SPINK5: variants seen among roughly 807,000 people sequenced by gnomAD.
The protein encoded by SPINK5 is serine peptidase inhibitor Kazal type 5, also known as serine protease inhibitor Kazal-type 5.
In SPINK5, 125 loss-of-function variants were observed where a neutral mutation model predicts 151.8. The observed-to-expected ratio is 0.82, with a 90% CI of 0.71 to 0.96. SPINK5 has a LOEUF of 0.96. Among genes scored for constraint, SPINK5 ranks in the 40% least tolerant of loss-of-function variants. SPINK5 has a pLI of 0.00. For synonymous variants in SPINK5, 374 were observed against 395.3 expected (o/e 0.95, Z 0.64); for missense variants, 1,194 against 1,291.9 (o/e 0.92, Z 1.16).
At position 148,091,195 on chromosome 5, in the gene SPINK5, G is replaced by A; in HGVS notation, c.633G>A (p.Glu211=). 2 of 1,611,492 alleles carry A rather than the reference G, an allele frequency of 1.2e-6. No homozygotes were observed. Among genetic ancestry groups the A allele is most frequent in the Non-Finnish European group, 1.7e-6 (2 of 1,178,614 alleles). The change falls in exon 8 of 33, where the codon GAG becomes GAA. Residue 211 remains glutamate (E), a synonymous_variant. Coordinates refer to ENST00000256084, the MANE Select transcript of SPINK5 (RefSeq NM_006846.4). ...AAGAAGCTGAAAATGCCAAGCGAGAGGGTGAAACTAGAATTCGACGAAATG... is the reference window on the plus strand; with the variant it reads ...AAGAAGCTGAAAATGCCAAGCGAGAAGGTGAAACTAGAATTCGACGAAATG... ...FLKEAENAKR[E]GETRIRRNAE...
At chr5:148,092,252 G>A (rs539692776) in intron 8 of SPINK5, among the ~76,000 whole-genome samples, 2 of 151,848 alleles carry the variant, frequency 1.3e-5, no homozygotes, top group African/African-American at 2.4e-5. Flanking sequence ...CCTTCAGTTC[G>A]TAATGCTTAT....
Position 148,089,091 on chromosome 5 carries a change from C to T in SPINK5, c.475-403C>T, listed in dbSNP as rs889278616. The T allele has an allele frequency of 2.4e-5, 11 of 461,538 alleles. 1 individual carries two copies. Among genetic ancestry groups the T allele is most frequent in the Non-Finnish European group, 3.9e-5 (9 of 231,074 alleles). The allele number at this position is 461,538 out of a possible 1,614,324, so 28.6% of individuals were successfully genotyped here. A position where few individuals can be genotyped will look rare whatever the true frequency, so the allele number is the denominator to read the frequency against. On this transcript the variant is annotated intron_variant, in intron 6 of 32. Transcript: ENST00000256084. ...CATACATGTCACACTTGTCTTTTTC[C>T]AGGTGAATGATTTTCCTAATTTTCA... is the stretch of plus-strand genomic sequence containing the variant.
intron 15 of SPINK5, among the ~76,000 whole-genome samples, chr5:148,103,534 C>T (rs955459530): frequency 6.6e-6 from 1 of 152,072 alleles, no homozygotes; most frequent in Non-Finnish European, 1.5e-5. Context: ...AAAGAAAATG[C>T]TGCTTAAATG....
intron 2 of SPINK5, among the ~76,000 whole-genome samples, chr5:148,067,596 C>T: frequency 6.6e-6 from 1 of 152,132 alleles, no homozygotes; most frequent in East Asian, 1.9e-4. Context: ...AATTTCATAA[C>T]TCAGAAAAAT....
At chr5:148,125,424 A>G in intron 28 of SPINK5, 2 of 1,094,962 alleles carry the variant, frequency 1.8e-6, no homozygotes, top group East Asian at 2.6e-5. Context: ...TGTCAAAAGC[A>G]TGCTTCATGG....
chr5:148,077,070 T>C (rs1015139558), intron 4 of SPINK5, among the ~76,000 whole-genome samples: 1 of 151,314 alleles, frequency 6.6e-6, no homozygotes, highest in African/African-American at 2.4e-5. Flanking sequence ...AACAATGGCC[T>C]AAGATGCCTT....
chr5:148,116,270 T>C, intron 21 of SPINK5, 100 bp from the exon 22 acceptor site: 1 of 1,207,188 alleles, frequency 8.3e-7, no homozygotes, highest in Non-Finnish European at 1.2e-6. Flanking sequence ...GCTCGATAAT[T>C]CTGTACATAT....
At position 148,097,859 on chromosome 5, in the gene SPINK5, T is replaced by TTTTCCTC. The variant is rs771344617; in HGVS notation, c.883-7_883-6insTTCCTCT. 1 of 1,603,298 alleles carries TTTTCCTC rather than the reference T, an allele frequency of 6.2e-7. No homozygotes were observed. The highest frequency in any genetic ancestry group is 1.1e-5 in the South Asian group (1 of 90,812). On this transcript the variant is annotated splice_polypyrimidine_tract_variant and splice_region_variant and intron_variant, in intron 10 of 32. Coordinates refer to ENST00000256084, the MANE Select transcript of SPINK5 (RefSeq NM_006846.4). ...CTATATCTCAACTTTTTCTTATTCA[T>TTTTCCTC]TATTCAGAAACTCTGCAGTCAATAT...
chr5:148,122,844 C>T (rs558295461), intron 26 of SPINK5, among the ~76,000 whole-genome samples: 1 of 147,300 alleles, frequency 6.8e-6, no homozygotes, highest in Admixed American at 6.8e-5. Flanking sequence ...TTAAACCACA[C>T]GATAAAGCAC....
chr5:148,136,839 G>A, intron 32 of SPINK5, 144 bp from the exon 33 acceptor site: 1 of 1,082,486 alleles, frequency 9.2e-7, no homozygotes, highest in Non-Finnish European at 1.4e-6. Context: ...TGGATAAAAT[G>A]TGAAAGTGAT....
Position 148,124,856 on chromosome 5 carries a change from C to A in SPINK5, c.2739+19C>A. ...TGCAAAGGTTATTTATTAAAGGATACCAAAATAACCATTTTACTTTTCACC... is the reference window on the plus strand; with the variant it reads ...TGCAAAGGTTATTTATTAAAGGATAACAAAATAACCATTTTACTTTTCACC... On this transcript the variant is annotated intron_variant, in intron 28 of 32. Coordinates refer to ENST00000256084, the MANE Select transcript of SPINK5 (RefSeq NM_006846.4). 1 of 1,566,664 alleles carries A rather than the reference C, an allele frequency of 6.4e-7. No individual in the cohort carries two copies. Among genetic ancestry groups the A allele is most frequent in the Non-Finnish European group, 8.6e-7 (1 of 1,160,314 alleles).
intron 7 of SPINK5, among the ~76,000 whole-genome samples, chr5:148,089,886 G>T: frequency 6.6e-6 from 1 of 151,926 alleles, no homozygotes; most frequent in Non-Finnish European, 1.5e-5. Flanking sequence ...ATTTGAAAAT[G>T]TATAGTGTTT....
chr5:148,079,891 T>C (rs1752975156), intron 4 of SPINK5, among the ~76,000 whole-genome samples: 2 of 151,144 alleles, frequency 1.3e-5, no homozygotes, highest in African/African-American at 4.8e-5. Context: ...AACATTGTAC[T>C]GGAGGTTCTT....
Position 148,088,610 on chromosome 5 carries a change from G to A in SPINK5, c.474+5G>A. 6.2e-7 allele frequency: 1 copy of A among 1,611,312 alleles called. No individual in the cohort carries two copies. The highest frequency in any genetic ancestry group is 8.5e-7 in the Non-Finnish European group (1 of 1,178,306). ...AAGAGCAGTAATCCAGAGCAGGTGA[G>A]GTCAATTGTCAGCCTGATGGGAAAT... On this transcript the variant is annotated splice_donor_5th_base_variant and intron_variant, in intron 6 of 32. Transcript: ENST00000256084.
intron 16 of SPINK5, among the ~76,000 whole-genome samples, chr5:148,105,783 A>ATT (rs5872059): frequency 5.4e-5 from 7 of 130,566 alleles, no homozygotes; most frequent in East Asian, 2.2e-4. Flanking sequence ...TGCCCAGCTA[A>ATT]TTTTTTTTTT....
chr5:148,100,569 G>A lies in SPINK5; in HGVS notation c.1208G>A (p.Cys403Tyr). ...GTGCATGGCAACACCTGCTCCATGTGTGAGGTCTTCTTGTGAGTAGCCCTG... is the reference window on the plus strand; with the variant it reads ...GTGCATGGCAACACCTGCTCCATGTATGAGGTCTTCTTGTGAGTAGCCCTG... ...GKVHGNTCSM[C>Y]EVFFQAEEEE... is the part of the protein sequence containing the mutation. Residue 403 changes from cysteine (C) to tyrosine (Y), a missense_variant, in exon 13 of 33, where the codon TGT becomes TAT. Coordinates refer to ENST00000256084, the MANE Select transcript of SPINK5 (RefSeq NM_006846.4). 1 of 1,613,130 alleles carries A rather than the reference G, an allele frequency of 6.2e-7. No individual in the cohort carries two copies. Among genetic ancestry groups the A allele is most frequent in the South Asian group, 1.1e-5 (1 of 91,068 alleles).
At chr5:148,115,930 T>C (rs1419793947) in intron 21 of SPINK5, among the ~76,000 whole-genome samples, 1 of 151,726 alleles carries the variant, frequency 6.6e-6, no homozygotes, top group Non-Finnish European at 1.5e-5. Flanking sequence ...CAAGTGATTC[T>C]CCTGCCCCAG....
In SPINK5 at chr5:148,118,510, G is replaced by A. The variant is rs1429837681; in HGVS notation, c.2186G>A (p.Arg729His). ...LSCTRESDPV[R>H]DADGKSYNNQ... The stretch of plus-strand genomic sequence containing the variant: ...TGTACTCGGGAGAGTGATCCTGTAC[G>A]TGATGCTGATGGCAAATCGTACAAC... Residue 729 changes from arginine to histidine, a missense_variant, in exon 23 of 33, where the codon CGT (arginine) becomes CAT (histidine). By Grantham distance (29) the Arg-to-His change is conservative. Coordinates refer to ENST00000256084, the MANE Select transcript of SPINK5 (RefSeq NM_006846.4). The A allele has an allele frequency of 1.2e-6, 2 of 1,614,116 alleles. No individual in the cohort carries two copies. The highest frequency in any genetic ancestry group is 1.7e-6 in the Non-Finnish European group (2 of 1,180,004).
chr5:148,103,734 A>G (rs1045935941), intron 15 of SPINK5, among the ~76,000 whole-genome samples: 3 of 152,070 alleles, frequency 2.0e-5, no homozygotes, highest in African/African-American at 7.2e-5. Context: ...ATTTTTTTTG[A>G]GAATTATTCT....
Sources: gnomAD v4.1 joint callset for allele counts (sites outside exome capture counted in the v4.1 genomes callset) on GRCh38, gnomAD v4.1.1 for gene constraint, MANE v1.5 for transcripts, NCBI Gene and HGNC (gene_info 2026-07-23, HGNC 2026-07-21) for gene names.